MYO3B: variants seen among roughly 807,000 people sequenced by gnomAD.
MYO3B encodes the protein myosin-IIIb.
MYO3B carries 156 observed loss-of-function variants against 174.6 expected under a neutral mutation model. The ratio of observed to expected loss-of-function variants is 0.89; its 90% CI spans 0.78 to 1.02. MYO3B has a LOEUF of 1.02. Ranked by LOEUF, MYO3B falls within the 50% of genes least tolerant of loss-of-function variation. MYO3B has a pLI of 0.00. For synonymous variants in MYO3B, 563 were observed against 569.1 expected (o/e 0.99, Z 0.15); for missense variants, 1,632 against 1,639.4 (o/e 1.00, Z 0.08).
chr2:170,388,301 T>C (rs1352459400), intron 14 of MYO3B, among the ~76,000 whole-genome samples: 1 of 152,066 alleles, frequency 6.6e-6, no homozygotes, highest in Non-Finnish European at 1.5e-5. Context: ...TAAACTTAAA[T>C]GTAGAACAAT....
chr2:170,603,895 A>T (rs1039334012), intron 32 of MYO3B, among the ~76,000 whole-genome samples: 1 of 152,216 alleles, frequency 6.6e-6, no homozygotes, highest in Non-Finnish European at 1.5e-5. Flanking sequence ...GTGGTCCCGT[A>T]AGATTATAAT....
chr2:170,391,491 A>G (rs1191035138), intron 14 of MYO3B, 29 bp from the exon 15 acceptor site: 9 of 1,141,492 alleles, frequency 7.9e-6, no homozygotes, highest in Middle Eastern at 2.9e-4. Context: ...GCCAGAATAT[A>G]TTATTACTAA....
intron 32 of MYO3B, among the ~76,000 whole-genome samples, chr2:170,579,448 C>T (rs912515029): frequency 6.6e-6 from 1 of 152,152 alleles, no homozygotes; most frequent in Non-Finnish European, 1.5e-5. Flanking sequence ...TCTGTTGCAA[C>T]CCCCACCATT....
At chr2:170,614,014 G>T (rs977174315) in intron 32 of MYO3B, among the ~76,000 whole-genome samples, 7 of 151,902 alleles carry the variant, frequency 4.6e-5, no homozygotes, top group Non-Finnish European at 8.8e-5. Context: ...TACAAGTCCC[G>T]AACAAGCTCC....
intron 16 of MYO3B, among the ~76,000 whole-genome samples, chr2:170,398,025 C>A (rs190231432): frequency 6.6e-6 from 1 of 151,982 alleles, no homozygotes; most frequent in East Asian, 1.9e-4. Flanking sequence ...AGTTCAAGAC[C>A]AGCCTGACCA....
intron 32 of MYO3B, among the ~76,000 whole-genome samples, chr2:170,638,105 T>TCACA (rs1468089328): frequency 1.3e-3 from 114 of 88,062 alleles, no homozygotes; most frequent in Non-Finnish European, 2.7e-3. Flanking sequence ...TCTCTCTCTC[T>TCACA]CTCTCACACA....
chr2:170,583,845 G>A (rs1046820336), intron 32 of MYO3B, among the ~76,000 whole-genome samples: 8 of 151,874 alleles, frequency 5.3e-5, no homozygotes, highest in Non-Finnish European at 7.4e-5. Flanking sequence ...TCAGTCTCAC[G>A]GTAAGGAAAA....
intron 25 of MYO3B, among the ~76,000 whole-genome samples, chr2:170,493,834 G>A (rs188967178): frequency 2.0e-5 from 3 of 149,612 alleles, no homozygotes; most frequent in Non-Finnish European, 3.0e-5. Flanking sequence ...AGAGGCCCAC[G>A]TGGCAAGGAG....
chr2:170,292,621 C>G (rs1331040914), intron 7 of MYO3B, among the ~76,000 whole-genome samples: 1 of 152,072 alleles, frequency 6.6e-6, no homozygotes, highest in Admixed American at 6.6e-5. Context: ...CTAGGTGGTA[C>G]CTTAAGCCCA....
At chr2:170,329,257 G>GTA (rs1409405934) in intron 7 of MYO3B, among the ~76,000 whole-genome samples, 133 of 147,618 alleles carry the variant, frequency 9.0e-4, no homozygotes, top group Middle Eastern at 3.5e-3. Flanking sequence ...GTGTGTGTGT[G>GTA]TGTATATATA....
intron 12 of MYO3B, among the ~76,000 whole-genome samples, chr2:170,384,561 A>C (rs1411752396): frequency 2.0e-5 from 3 of 152,202 alleles, no homozygotes; most frequent in Non-Finnish European, 4.4e-5. Context: ...TGACATTATA[A>C]CAACATAGAT....
intron 32 of MYO3B, among the ~76,000 whole-genome samples, chr2:170,638,366 T>C (rs1361740874): frequency 6.6e-6 from 1 of 152,198 alleles, no homozygotes; most frequent in Non-Finnish European, 1.5e-5. Flanking sequence ...CAGGGGAACC[T>C]ACCTTGTGCA....
At chr2:170,625,474 A>G (rs1040904104) in intron 32 of MYO3B, among the ~76,000 whole-genome samples, 2 of 152,108 alleles carry the variant, frequency 1.3e-5, no homozygotes, top group Non-Finnish European at 2.9e-5. Flanking sequence ...CTAGCAGTCT[A>G]TCAATTTTGT....
rs181164837 is a variant in MYO3B at position 170,605,742 on chromosome 2, C to G, written c.3734-45886C>G. The stretch of plus-strand genomic sequence containing the variant: ...AGGCTTGGTGGCGGGCGCCTGTAAT[C>G]CCAGCTACTCGGGAGGTTGAGGCAG... On this transcript the variant is annotated intron_variant, in intron 32 of 34. Coordinates refer to ENST00000408978, the MANE Select transcript of MYO3B (RefSeq NM_138995.5). Among the ~76,000 whole-genome samples the G allele has an allele frequency of 7.0e-3, 1,064 of 152,170 alleles. 4 individuals carry two copies. The highest frequency in any genetic ancestry group is 0.011 in the Non-Finnish European group (773 of 68,012).
chr2:170,581,814 A>G (rs974077747), intron 32 of MYO3B, among the ~76,000 whole-genome samples: 2 of 152,112 alleles, frequency 1.3e-5, no homozygotes, highest in African/African-American at 2.4e-5. Context: ...CAATAATAAC[A>G]TCACACTTTT....
In MYO3B at chr2:170,217,389, C is replaced by G. The variant is rs776432620; in HGVS notation, c.597C>G (p.Ala199=). 6.2e-7 allele frequency: 1 copy of G among 1,613,518 alleles called. No homozygotes were observed. The highest frequency in any genetic ancestry group is 8.5e-7 in the Non-Finnish European group (1 of 1,179,590). Residue 199 remains alanine (A), a synonymous_variant, in exon 6 of 35, where the codon GCC becomes GCG. Coordinates refer to ENST00000408978, the MANE Select transcript of MYO3B (RefSeq NM_138995.5). ...NTSVGTPFWM[A]PEVIACEQQY... ...CTGTTGGCACCCCGTTCTGGATGGC[C>G]CCTGAGGTAAGCTGGAAATACCTAG...
chr2:170,409,029 G>T (rs1480476768), intron 22 of MYO3B, among the ~76,000 whole-genome samples: 2 of 152,116 alleles, frequency 1.3e-5, no homozygotes, highest in African/African-American at 4.8e-5. Context: ...CTCATCAGGC[G>T]ACTTCAGCAC....
Position 170,402,889 on chromosome 2 carries a change from T to C in MYO3B, c.2171T>C (p.Phe724Ser). 1 of 1,612,330 alleles carries C rather than the reference T, an allele frequency of 6.2e-7. No homozygotes were observed. Among genetic ancestry groups the C allele is most frequent in the South Asian group, 1.1e-5 (1 of 90,854 alleles). The change falls in exon 19 of 35, where the codon TTT becomes TCT. Residue 724 changes from phenylalanine to serine, a missense_variant. By Grantham distance (155) the Phe-to-Ser change is radical. Coordinates refer to ENST00000408978, the MANE Select transcript of MYO3B (RefSeq NM_138995.5). ...GGMNVGILDI[F>S]GFENFQRNSF... ...ATGAATGTGGGGATCTTGGATATCT[T>C]TGGATTCGAGAATTTTCAGAGAAAT...
intron 7 of MYO3B, among the ~76,000 whole-genome samples, chr2:170,274,705 T>C (rs1487306533): frequency 1.3e-5 from 2 of 152,176 alleles, no homozygotes; most frequent in Admixed American, 6.5e-5. Context: ...CTCTATGTGC[T>C]TATCAAAATG....
Sources: gnomAD v4.1 joint callset for allele counts (sites outside exome capture counted in the v4.1 genomes callset) on GRCh38, gnomAD v4.1.1 for gene constraint, MANE v1.5 for transcripts, NCBI Gene and HGNC (gene_info 2026-07-23, HGNC 2026-07-21) for gene names.